SLC44A5: variants seen among roughly 807,000 people sequenced by gnomAD.
SLC44A5 encodes the protein solute carrier family 44 member 5.
SLC44A5 carries 57 observed loss-of-function variants against 101.8 expected under a neutral mutation model. The observed-to-expected ratio is 0.56, with a 90% CI of 0.45 to 0.70. SLC44A5 has a LOEUF of 0.70. SLC44A5 is among the 30% of genes least tolerant of loss of function. SLC44A5 has a pLI of 0.00. For missense variants in SLC44A5, 737 were observed against 853.1 expected, an observed-to-expected ratio of 0.86 and a Z score of 1.70; for synonymous variants, 281 against 290.9, an observed-to-expected ratio of 0.97 and a Z score of 0.35.
chr1:75,331,309 C>A (rs1220527728), intron 4 of SLC44A5, among the ~76,000 whole-genome samples: 1 of 152,130 alleles, frequency 6.6e-6, no homozygotes, highest in Non-Finnish European at 1.5e-5. Context: ...CTTAACCTCT[C>A]TAATCTTTTC....
At chr1:75,425,342 TA>T (rs1664247642) in intron 2 of SLC44A5, among the ~76,000 whole-genome samples, 1 of 152,186 alleles carries the variant, frequency 6.6e-6, no homozygotes, top group Non-Finnish European at 1.5e-5. Context: ...TTATGAATAG[TA>T]AAGAGCTTTG....
the SLC44A5 span, among the ~76,000 whole-genome samples, chr1:75,678,400 C>G: frequency 2.0e-5 from 3 of 152,128 alleles, no homozygotes; most frequent in East Asian, 5.8e-4. Context: ...TCTCCCAGTA[C>G]GCAGCTGGAG....
intron 4 of SLC44A5, among the ~76,000 whole-genome samples, chr1:75,330,276 CCTCTCCAACA>C (rs1001324295): frequency 2.6e-5 from 4 of 151,396 alleles, no homozygotes; most frequent in African/African-American, 9.7e-5. Context: ...TTTTCTCTGC[CCTCTCCAACA>C]CTCAACACTC....
Position 75,202,157 on chromosome 1 carries a change from G to T in SLC44A5, c.*1570C>A, listed in dbSNP as rs559243756. ...TTTCTTATTTAAATCTTTATTAAAAGAAAAAAGATTTAAAACAAGTAACAA... is the reference window on the plus strand; with the variant it reads ...TTTCTTATTTAAATCTTTATTAAAATAAAAAAGATTTAAAACAAGTAACAA... On this transcript the variant is annotated 3_prime_UTR_variant, in exon 24 of 24. Transcript: ENST00000370859. The T allele has an allele frequency of 6.6e-6, 1 of 151,818 alleles. No individual in the cohort carries two copies. Among genetic ancestry groups the T allele is most frequent in the South Asian group, 2.1e-4 (1 of 4,804 alleles). 9.4% of individuals were successfully genotyped at this position (151,818 alleles called of 1,614,324 possible). A position where few individuals can be genotyped will look rare whatever the true frequency, so the allele number is the denominator to read the frequency against.
intron 4 of SLC44A5, among the ~76,000 whole-genome samples, chr1:75,334,721 C>T (rs1657310425): frequency 6.6e-6 from 1 of 152,074 alleles, no homozygotes; most frequent in Admixed American, 6.6e-5. Flanking sequence ...AGTAGAAAGT[C>T]AGAAATATAA....
chr1:75,386,811 A>C (rs1661387998), intron 3 of SLC44A5, among the ~76,000 whole-genome samples: 1 of 152,064 alleles, frequency 6.6e-6, no homozygotes. Flanking sequence ...TTCAAACTAT[A>C]CTACAAGGCT....
intron 1 of SLC44A5, among the ~76,000 whole-genome samples, chr1:75,580,267 G>A (rs535543086): frequency 2.6e-5 from 4 of 152,266 alleles, no homozygotes; most frequent in East Asian, 1.9e-4. Context: ...ACTTTAAGTT[G>A]TAGGATTTAC....
chr1:75,662,350 G>A, the SLC44A5 span, among the ~76,000 whole-genome samples: 1 of 152,038 alleles, frequency 6.6e-6, no homozygotes, highest in Non-Finnish European at 1.5e-5. Context: ...AGGCTGAAAA[G>A]GAGAGTGGAG....
chr1:75,309,737 T>C (rs889178344), intron 4 of SLC44A5, among the ~76,000 whole-genome samples: 17 of 152,216 alleles, frequency 1.1e-4, no homozygotes, highest in African/African-American at 3.9e-4. Context: ...ATTCGGTACA[T>C]ACCTATTGAA....
At chr1:75,644,880 T>A in the SLC44A5 span, among the ~76,000 whole-genome samples, 3 of 144,372 alleles carry the variant, frequency 2.1e-5, no homozygotes, top group Admixed American at 2.2e-4. Context: ...AGTGAGAACA[T>A]GCGGTGTTTG....
At chr1:75,444,147 C>T (rs771344775) in intron 2 of SLC44A5, among the ~76,000 whole-genome samples, 6 of 150,760 alleles carry the variant, frequency 4.0e-5, no homozygotes, top group Non-Finnish European at 5.9e-5. Flanking sequence ...TGAAACCCTA[C>T]CTCTACTAAA....
chr1:75,505,243 T>C (rs1367378341), intron 2 of SLC44A5, among the ~76,000 whole-genome samples: 2 of 152,194 alleles, frequency 1.3e-5, no homozygotes, highest in Non-Finnish European at 2.9e-5. Flanking sequence ...TATTCACATT[T>C]TCTGTATTCA....
At chr1:75,387,926 T>C (rs1167937034) in intron 3 of SLC44A5, among the ~76,000 whole-genome samples, 7 of 147,468 alleles carry the variant, frequency 4.7e-5, no homozygotes, top group African/African-American at 1.3e-4. Flanking sequence ...ATGGATGAAA[T>C]TGGAAATCAT....
At chr1:75,491,718 A>AGCAC (rs966999316) in intron 2 of SLC44A5, among the ~76,000 whole-genome samples, 1 of 148,614 alleles carries the variant, frequency 6.7e-6, no homozygotes, top group East Asian at 1.9e-4. Flanking sequence ...TACACACACA[A>AGCAC]GCACGCACGC....
At chr1:75,460,705 T>C (rs1339963457) in intron 2 of SLC44A5, among the ~76,000 whole-genome samples, 1 of 152,192 alleles carries the variant, frequency 6.6e-6, no homozygotes, top group Admixed American at 6.5e-5. Flanking sequence ...GACATTGGAA[T>C]TGAAATATCC....
chr1:75,341,498 A>C (rs1420302742), intron 3 of SLC44A5, among the ~76,000 whole-genome samples: 2 of 152,030 alleles, frequency 1.3e-5, no homozygotes, highest in African/African-American at 2.4e-5. Flanking sequence ...AAAGAAAGAG[A>C]AAGGAAGGAA....
intron 3 of SLC44A5, among the ~76,000 whole-genome samples, chr1:75,340,684 T>A (rs897214497): frequency 2.0e-5 from 3 of 152,206 alleles, no homozygotes; most frequent in Non-Finnish European, 2.9e-5. Context: ...TTTGTGCCTG[T>A]TTTCTGGCCA....
intron 2 of SLC44A5, among the ~76,000 whole-genome samples, chr1:75,513,071 A>G (rs1409655592): frequency 1.3e-5 from 2 of 152,224 alleles, no homozygotes; most frequent in Admixed American, 6.5e-5. Context: ...TACTTGCTCA[A>G]TGTCATATGG....
chr1:75,243,101 A>C, intron 7 of SLC44A5, 90 bp from the exon 8 acceptor site: 1 of 1,412,814 alleles, frequency 7.1e-7, no homozygotes. Context: ...ATCCACCATA[A>C]CAAAAAGCAA....
Sources: allele counts gnomAD v4.1 joint callset (sites outside exome capture counted in the v4.1 genomes callset), GRCh38; gene constraint gnomAD v4.1.1; transcripts MANE v1.5; gene names NCBI Gene and HGNC (gene_info 2026-07-23, HGNC 2026-07-21).